The following KCNIP4 variants were observed in gnomAD, a reference collection of about 807,000 sequenced individuals.
The protein encoded by KCNIP4 is potassium voltage-gated channel interacting protein 4, also known as Kv channel-interacting protein 4.
In KCNIP4, 12 loss-of-function variants were observed where a neutral mutation model predicts 34.0. The ratio of observed to expected loss-of-function variants is 0.35; its 90% confidence interval spans 0.23 to 0.57. The LOEUF is 0.57. Ranked by LOEUF, KCNIP4 falls within the 20% of genes least tolerant of loss-of-function variation. KCNIP4 has a pLI of 0.83. For synonymous variants in KCNIP4, 124 were observed against 102.2 expected (o/e 1.21, Z -1.29); for missense variants, 238 against 311.7 (o/e 0.76, Z 1.78).
At chr4:21,034,048 A>C (rs115839325) in intron 1 of KCNIP4, among the ~76,000 whole-genome samples, 1 of 152,340 alleles carries the variant, frequency 6.6e-6, no homozygotes, top group Non-Finnish European at 1.5e-5. Flanking sequence ...AGTAATTAAT[A>C]TTTTAAATAT....
intron 1 of KCNIP4, among the ~76,000 whole-genome samples, chr4:21,384,660 C>G (rs1190375309): frequency 6.6e-6 from 1 of 152,150 alleles, no homozygotes; most frequent in African/African-American, 2.4e-5. Context: ...TCAGAAAGGA[C>G]AGAATTGATC....
intron 1 of KCNIP4, among the ~76,000 whole-genome samples, chr4:21,792,607 G>A (rs1349917128): frequency 6.6e-6 from 1 of 152,222 alleles, no homozygotes; most frequent in Non-Finnish European, 1.5e-5. Context: ...CAAGAGTGAG[G>A]GTGGAGGTCG....
chr4:21,818,903 A>G (rs1054022233), intron 1 of KCNIP4, among the ~76,000 whole-genome samples: 10 of 152,180 alleles, frequency 6.6e-5, no homozygotes, highest in African/African-American at 2.4e-4. Flanking sequence ...GTAGAGTAGT[A>G]GTGAGGGAAC....
intron 1 of KCNIP4, among the ~76,000 whole-genome samples, chr4:21,896,226 C>A (rs1727377898): frequency 6.6e-6 from 1 of 152,120 alleles, no homozygotes; most frequent in Non-Finnish European, 1.5e-5. Flanking sequence ...GATACAGTCA[C>A]CACTCTCTTA....
chr4:21,475,119 T>A (rs1169542658), intron 1 of KCNIP4, among the ~76,000 whole-genome samples: 1 of 152,270 alleles, frequency 6.6e-6, no homozygotes, highest in Non-Finnish European at 1.5e-5. Context: ...TTGTTCATAC[T>A]CTCTCCTAAC....
chr4:21,077,854 ATG>A (rs1188393258), intron 1 of KCNIP4, among the ~76,000 whole-genome samples: 1 of 152,124 alleles, frequency 6.6e-6, no homozygotes, highest in East Asian at 1.9e-4. Flanking sequence ...ATTGTTCAAA[ATG>A]TAATAAAATT....
At position 21,541,587 on chromosome 4, in the gene KCNIP4, C is replaced by T. The variant is rs372296350; in HGVS notation, c.61+406984G>A. On this transcript the variant is annotated intron_variant, in intron 1 of 8. Transcript: ENST00000382152. ...TCCACTGCACAGTCCAGTATCCTAC[C>T]CAATAAATTCTAGCAAAATGTTCAA... Among the ~76,000 whole-genome samples, 40 of 152,234 alleles carry T rather than the reference C, an allele frequency of 2.6e-4. 1 individual carries two copies. The East Asian group carries it at 4.6e-3, about 18-fold the overall frequency.
At chr4:21,815,775 A>G (rs2109278857) in intron 1 of KCNIP4, among the ~76,000 whole-genome samples, 1 of 152,280 alleles carries the variant, frequency 6.6e-6, no homozygotes, top group African/African-American at 2.4e-5. Context: ...TGAGTTCACA[A>G]AGTCTTTTAT....
intron 3 of KCNIP4, among the ~76,000 whole-genome samples, chr4:20,818,304 G>GGGT (rs544101153): frequency 6.8e-4 from 104 of 152,264 alleles, no homozygotes; most frequent in African/African-American, 2.1e-3. Flanking sequence ...CAGAGTATTG[G>GGGT]GGTGGTGGTG....
At chr4:21,041,725 T>TA (rs1218201507) in intron 1 of KCNIP4, among the ~76,000 whole-genome samples, 6 of 152,206 alleles carry the variant, frequency 3.9e-5, no homozygotes, top group Admixed American at 2.6e-4. Context: ...TTCGTTTGGA[T>TA]AGTCACTAGA....
At chr4:21,356,842 A>T (rs1718660039) in intron 1 of KCNIP4, among the ~76,000 whole-genome samples, 1 of 152,132 alleles carries the variant, frequency 6.6e-6, no homozygotes, top group South Asian at 2.1e-4. Context: ...GAACCAAAAA[A>T]GAGCCCGCAT....
intron 1 of KCNIP4, among the ~76,000 whole-genome samples, chr4:20,922,230 C>G (rs1729453479): frequency 6.6e-6 from 1 of 152,132 alleles, no homozygotes; most frequent in African/African-American, 2.4e-5. Context: ...AGGGTGTTAA[C>G]TGGAAGAGAT....
intron 3 of KCNIP4, among the ~76,000 whole-genome samples, chr4:20,802,082 A>C (rs1714308132): frequency 7.2e-6 from 1 of 139,692 alleles, no homozygotes; most frequent in African/African-American, 2.8e-5. Context: ...AAGACTTAAA[A>C]ATTGCATATA....
chr4:21,078,818 T>G (rs988886105), intron 1 of KCNIP4, among the ~76,000 whole-genome samples: 2 of 152,060 alleles, frequency 1.3e-5, no homozygotes, highest in Non-Finnish European at 1.5e-5. Context: ...TACTTCTAGT[T>G]TCTTCTCTTG....
intron 2 of KCNIP4, among the ~76,000 whole-genome samples, chr4:20,864,348 G>A (rs1577276767): frequency 6.6e-6 from 1 of 150,608 alleles, no homozygotes; most frequent in Non-Finnish European, 1.5e-5. Flanking sequence ...AAACATGTAT[G>A]TATAACATGT....
chr4:21,048,884 GGAGAGAGA>G (rs143374842), intron 1 of KCNIP4, among the ~76,000 whole-genome samples: 5 of 147,942 alleles, frequency 3.4e-5, no homozygotes, highest in African/African-American at 1.2e-4. Context: ...GATGCTGCAT[GGAGAGAGA>G]GAGAGAGAGA....
At chr4:21,642,510 C>T (rs1048917248) in intron 1 of KCNIP4, among the ~76,000 whole-genome samples, 4 of 152,092 alleles carry the variant, frequency 2.6e-5, no homozygotes, top group African/African-American at 9.7e-5. Context: ...ACTATTTCTT[C>T]CATAGCTAGA....
intron 1 of KCNIP4, among the ~76,000 whole-genome samples, chr4:21,149,483 G>A (rs1017651173): frequency 6.6e-6 from 1 of 152,170 alleles, no homozygotes; most frequent in African/African-American, 2.4e-5. Context: ...AGACAGCAAT[G>A]TCTGCAGAAG....
At chr4:21,683,112 T>C (rs1296082197) in intron 1 of KCNIP4, among the ~76,000 whole-genome samples, 2 of 152,162 alleles carry the variant, frequency 1.3e-5, no homozygotes, top group Middle Eastern at 3.2e-3. Flanking sequence ...TGCCTGTATG[T>C]TTTATATTCT....
Sources: allele counts gnomAD v4.1 joint callset (sites outside exome capture counted in the v4.1 genomes callset), GRCh38; gene constraint gnomAD v4.1.1; transcripts MANE v1.5; gene names NCBI Gene and HGNC (gene_info 2026-07-23, HGNC 2026-07-21).